The following IL1RAPL1 variants were observed in gnomAD, a reference collection of about 807,000 sequenced individuals.
IL1RAPL1 encodes interleukin-1 receptor accessory protein-like 1.
In IL1RAPL1, 3 loss-of-function variants were observed where a neutral mutation model predicts 48.4. The observed-to-expected ratio is 0.06, with a 90% CI of 0.03 to 0.16. The LOEUF (loss-of-function observed/expected upper bound fraction) is 0.16, where lower values mean the gene tolerates loss of function less well. Ranked by LOEUF, IL1RAPL1 falls within the 10% of genes least tolerant of loss-of-function variation. The pLI is 1.00. For synonymous variants in IL1RAPL1, 185 were observed against 187.7 expected, an observed-to-expected ratio of 0.99 and a Z score of 0.12; for missense variants, 349 against 530.6, an observed-to-expected ratio of 0.66 and a Z score of 3.36.
intron 2 of IL1RAPL1, among the ~76,000 whole-genome samples, chrX:28,818,580 A>T (rs1015367956): frequency 4.5e-5 from 5 of 110,945 alleles, no homozygotes; most frequent in Non-Finnish European, 9.5e-5. Flanking sequence ...CTTTCATCTT[A>T]GACTCTGAAA....
At chrX:28,929,403 C>G (rs1923824556) in intron 2 of IL1RAPL1, among the ~76,000 whole-genome samples, 1 of 111,614 alleles carries the variant, frequency 9.0e-6, no homozygotes, top group African/African-American at 3.3e-5. Context: ...GTGGCTGTTT[C>G]TAATATATCC....
At chrX:29,527,611 C>T (rs185862954) in intron 5 of IL1RAPL1, among the ~76,000 whole-genome samples, 11 of 110,110 alleles carry the variant, frequency 1.0e-4, no homozygotes, top group African/African-American at 2.0e-4. Context: ...AGGCGTGAGC[C>T]GCTGTGCCTG....
chrX:28,909,385 C>A (rs1251417603), intron 2 of IL1RAPL1, among the ~76,000 whole-genome samples: 1 of 111,331 alleles, frequency 9.0e-6, no homozygotes, highest in African/African-American at 3.3e-5. Flanking sequence ...TTTTCGAAAG[C>A]CTTGACCATG....
intron 3 of IL1RAPL1, among the ~76,000 whole-genome samples, chrX:29,386,093 G>A (rs776572779): frequency 7.2e-5 from 8 of 111,768 alleles, no homozygotes; most frequent in African/African-American, 1.6e-4. Flanking sequence ...ACAGTAGCAC[G>A]ATCTCAGCTC....
chrX:29,829,709 G>C (rs1930828155), intron 6 of IL1RAPL1, among the ~76,000 whole-genome samples: 1 of 111,247 alleles, frequency 9.0e-6, no homozygotes, highest in Non-Finnish European at 1.9e-5. Flanking sequence ...GATTGGATAA[G>C]ATAATATACA....
chrX:29,399,224 A>G lies in IL1RAPL1; in HGVS notation c.619A>G (p.Arg207Gly). 8.4e-7 allele frequency: 1 copy of G among 1,194,994 alleles called. No individual in the cohort carries two copies. The highest frequency in any genetic ancestry group is 1.1e-6 in the Non-Finnish European group (1 of 880,230). ...KRDTLLIREV[R>G]EDDIGNYTCE... is the part of the protein sequence containing the mutation. ...AGATACTCTGCTTATAAGAGAAGTC[A>G]GAGAAGATGACATTGGAAATTATAC... The change falls in exon 5 of 11, where the codon AGA (arginine) becomes GGA (glycine). Residue 207 changes from arginine (R) to glycine (G), a missense_variant. By Grantham distance (125) the Arg-to-Gly change is moderately radical (BLOSUM62 -2). This residue lies in a region of IL1RAPL1 where 238 missense variants were observed against 337.8 expected (regional missense o/e 0.70). Transcript: ENST00000378993.
At chrX:29,150,046 A>G (rs975260580) in intron 2 of IL1RAPL1, among the ~76,000 whole-genome samples, 12 of 111,968 alleles carry the variant, frequency 1.1e-4, no homozygotes, top group South Asian at 3.7e-4. Flanking sequence ...ATAATAATGC[A>G]TGCTTTGACC....
chrX:29,736,367 TAC>T (rs1270955041), intron 6 of IL1RAPL1, among the ~76,000 whole-genome samples: 1 of 110,087 alleles, frequency 9.1e-6, no homozygotes, highest in Admixed American at 9.7e-5. Flanking sequence ...CTCAAAAAAA[TAC>T]AGTTTGACAC....
intron 1 of IL1RAPL1, among the ~76,000 whole-genome samples, chrX:28,668,813 G>C (rs1226936110): frequency 9.0e-6 from 1 of 111,587 alleles, no homozygotes; most frequent in Non-Finnish European, 1.9e-5. Flanking sequence ...GGTGTTTAAT[G>C]TACTGTGAGC....
At chrX:29,029,658 T>C (rs192952913) in intron 2 of IL1RAPL1, among the ~76,000 whole-genome samples, 170 of 112,049 alleles carry the variant, frequency 1.5e-3, no homozygotes, top group African/African-American at 5.3e-3. Flanking sequence ...TTATCAGATA[T>C]GTCTTTTGCA....
chrX:29,227,196 A>G (rs1363279378), intron 2 of IL1RAPL1, among the ~76,000 whole-genome samples: 1 of 110,816 alleles, frequency 9.0e-6, no homozygotes, highest in African/African-American at 3.3e-5. Flanking sequence ...AAAAATTGCT[A>G]AAACTAGCAG....
At chrX:29,797,295 C>T (rs1929765127) in intron 6 of IL1RAPL1, among the ~76,000 whole-genome samples, 2 of 112,318 alleles carry the variant, frequency 1.8e-5, no homozygotes. Context: ...GTTATTCTTT[C>T]AAGAAAAGGA....
intron 1 of IL1RAPL1, among the ~76,000 whole-genome samples, chrX:28,700,084 A>G (rs1161962779): frequency 9.0e-6 from 1 of 111,524 alleles, no homozygotes; most frequent in Non-Finnish European, 1.9e-5. Context: ...TAGCAAATTA[A>G]TCACTAAGCT....
intron 5 of IL1RAPL1, among the ~76,000 whole-genome samples, chrX:29,474,021 C>CCTTT (rs1344447870): frequency 9.0e-6 from 1 of 111,718 alleles, no homozygotes; most frequent in Non-Finnish European, 1.9e-5. Flanking sequence ...ACTTTGACAT[C>CCTTT]CTTTCACTTG....
chrX:29,408,353 A>C (rs1934101222), intron 5 of IL1RAPL1, among the ~76,000 whole-genome samples: 1 of 111,462 alleles, frequency 9.0e-6, no homozygotes, highest in Admixed American at 9.6e-5. Context: ...TTTTTCTATT[A>C]TTTTAAAAAG....
At chrX:29,810,315 G>A (rs1466482527) in intron 6 of IL1RAPL1, among the ~76,000 whole-genome samples, 1 of 110,018 alleles carries the variant, frequency 9.1e-6, no homozygotes, top group Non-Finnish European at 1.9e-5. Context: ...TCAGCCTCCC[G>A]AGTAGCTGGG....
At chrX:29,652,604 A>T (rs781771021) in intron 5 of IL1RAPL1, among the ~76,000 whole-genome samples, 1 of 111,815 alleles carries the variant, frequency 8.9e-6, no homozygotes, top group African/African-American at 3.2e-5. Context: ...AAAAAATTCA[A>T]TTCGGATCAC....
intron 3 of IL1RAPL1, chrX:29,369,827 T>G (rs1363065346): frequency 8.9e-6 from 1 of 111,973 alleles, no homozygotes; most frequent in African/African-American, 3.2e-5. Flanking sequence ...GAGCCTGTAT[T>G]CACCTTTTGC....
chrX:29,080,919 ATATT>A (rs1300608776), intron 2 of IL1RAPL1, among the ~76,000 whole-genome samples: 3 of 76,491 alleles, frequency 3.9e-5, no homozygotes, highest in Non-Finnish European at 7.7e-5. Flanking sequence ...TTTTTTTTAA[ATATT>A]TTTTCTTTCT....
Sources: gnomAD v4.1 joint callset for allele counts (sites outside exome capture counted in the v4.1 genomes callset) on GRCh38, gnomAD v4.1.1 for gene constraint, gnomAD v4.1.1 regional missense constraint, MANE v1.5 for transcripts, NCBI Gene and HGNC (gene_info 2026-07-23, HGNC 2026-07-21) for gene names.